The following PLXNC1 variants were observed in gnomAD, a reference collection of about 807,000 sequenced individuals.
PLXNC1 encodes the protein plexin-C1.
Under a neutral mutation model 178.2 loss-of-function variants are expected in PLXNC1, and 75 were observed. The ratio of observed to expected loss-of-function variants is 0.42; its 90% CI spans 0.35 to 0.51. The LOEUF is 0.51. PLXNC1 is among the 20% of genes least tolerant of loss of function. The pLI is 0.02. For synonymous variants in PLXNC1, 790 were observed against 779.9 expected (o/e 1.01, Z -0.22); for missense variants, 1,503 against 1,984.4 (o/e 0.76, Z 4.61).
At chr12:94,179,352 C>T (rs1310998277) in intron 2 of PLXNC1, among the ~76,000 whole-genome samples, 1 of 152,190 alleles carries the variant, frequency 6.6e-6, no homozygotes, top group African/African-American at 2.4e-5. Flanking sequence ...TGTGTTCAAA[C>T]TGACAAAATG....
At chr12:94,157,391 C>T (rs1241696623) in intron 1 of PLXNC1, among the ~76,000 whole-genome samples, 2 of 152,346 alleles carry the variant, frequency 1.3e-5, no homozygotes, top group South Asian at 2.1e-4. Flanking sequence ...ATGATGAAGA[C>T]TGGGAAACCC....
At chr12:94,274,915 C>T (rs1965823472) in intron 21 of PLXNC1, among the ~76,000 whole-genome samples, 1 of 152,200 alleles carries the variant, frequency 6.6e-6, no homozygotes, top group African/African-American at 2.4e-5. Flanking sequence ...ACACACACGT[C>T]ATTTAAAACA....
At chr12:94,203,748 C>A (rs904660778) in intron 4 of PLXNC1, among the ~76,000 whole-genome samples, 1 of 152,154 alleles carries the variant, frequency 6.6e-6, no homozygotes, top group African/African-American at 2.4e-5. Flanking sequence ...TCCCAGAAGT[C>A]CCCAGAAACA....
chr12:94,270,763 C>CTT (rs71984307), intron 21 of PLXNC1, among the ~76,000 whole-genome samples: 21 of 147,664 alleles, frequency 1.4e-4, no homozygotes, highest in African/African-American at 3.7e-4. Flanking sequence ...ATCTCCATTA[C>CTT]TTTTTTTTTT....
intron 20 of PLXNC1, chr12:94,262,680 G>C (rs1209568248): frequency 7.1e-6 from 7 of 985,342 alleles, no homozygotes; most frequent in Non-Finnish European, 3.6e-6. Context: ...AGGTGCTCAA[G>C]GGGGTCTGGG....
At chr12:94,301,209 ATCTG>A in intron 28 of PLXNC1, 152 bp downstream of exon 28, 1 of 548,598 alleles carries the variant, frequency 1.8e-6, no homozygotes. Context: ...GTTATTTAAA[ATCTG>A]TCTCATTATT....
At chr12:94,185,902 T>C (rs1962491621) in intron 3 of PLXNC1, 1 of 166,482 alleles carries the variant, frequency 6.0e-6, no homozygotes, top group Non-Finnish European at 1.3e-5. Context: ...ATGGAAATCA[T>C]CATTAGCAGA....
At chr12:94,265,316 T>TC in intron 21 of PLXNC1, 91 bp downstream of exon 21, 1 of 1,169,698 alleles carries the variant, frequency 8.5e-7, no homozygotes, top group Non-Finnish European at 1.2e-6. Context: ...TGAAACGGTA[T>TC]CATCTCTACT....
chr12:94,181,214 G>A (rs73364615), intron 2 of PLXNC1, among the ~76,000 whole-genome samples: 1,527 of 151,698 alleles, frequency 0.01, 22 homozygotes, highest in African/African-American at 0.035. Flanking sequence ...CCTGGCCAAC[G>A]TAGTGAAACC....
intron 1 of PLXNC1, among the ~76,000 whole-genome samples, chr12:94,166,639 A>G (rs529122005): frequency 2.0e-5 from 3 of 152,080 alleles, no homozygotes; most frequent in African/African-American, 7.2e-5. Flanking sequence ...CTAGAAAGCT[A>G]ACCCCTAACA....
intron 1 of PLXNC1, among the ~76,000 whole-genome samples, chr12:94,164,338 G>A (rs1265895183): frequency 6.6e-6 from 1 of 152,166 alleles, no homozygotes; most frequent in Non-Finnish European, 1.5e-5. Flanking sequence ...TAGCACCTTG[G>A]GGGTAAAACA....
intron 9 of PLXNC1, among the ~76,000 whole-genome samples, chr12:94,232,085 A>C (rs1003387240): frequency 6.6e-6 from 1 of 151,998 alleles, no homozygotes; most frequent in Non-Finnish European, 1.5e-5. Flanking sequence ...CTCTTCCTCC[A>C]TCACTTCTTC....
At chr12:94,175,525 G>A (rs544499908) in intron 2 of PLXNC1, among the ~76,000 whole-genome samples, 5 of 152,268 alleles carry the variant, frequency 3.3e-5, no homozygotes, top group African/African-American at 1.2e-4. Flanking sequence ...CAGCAGTGTA[G>A]TTGGGAGTTT....
intron 23 of PLXNC1, among the ~76,000 whole-genome samples, chr12:94,290,430 G>A (rs751328943): frequency 2.6e-5 from 4 of 152,270 alleles, no homozygotes; most frequent in Non-Finnish European, 5.9e-5. Context: ...TAGGAGCAGA[G>A]TCGAAGAGCT....
At chr12:94,230,941 A>C in intron 9 of PLXNC1, among the ~76,000 whole-genome samples, 1 of 152,228 alleles carries the variant, frequency 6.6e-6, no homozygotes, top group Admixed American at 6.5e-5. Flanking sequence ...ACCGACCTCC[A>C]CAGATTCCAT....
intron 9 of PLXNC1, among the ~76,000 whole-genome samples, chr12:94,230,665 G>A (rs901502476): frequency 1.3e-5 from 2 of 152,188 alleles, no homozygotes; most frequent in Admixed American, 6.5e-5. Flanking sequence ...TTCATTATCA[G>A]GTGGAATGTG....
chr12:94,237,799 G>T lies in PLXNC1; in HGVS notation c.2116G>T (p.Asp706Tyr). The change falls in exon 10 of 31, where the codon GAT (aspartate) becomes TAT (tyrosine). Residue 706 changes from aspartate to tyrosine, a missense_variant. This residue lies in a region of PLXNC1 where 615 missense variants were observed against 698.6 expected (regional missense o/e 0.88). Coordinates refer to ENST00000258526, the MANE Select transcript of PLXNC1 (RefSeq NM_005761.3). ...ILKGTSTCDK[D>Y]VIQVSHVLND... ...GAAAGGAACCAGTACCTGTGATAAG[G>T]ATGTGTGAGTCGAAATACTAATAAT... 2 of 1,613,368 alleles carry T rather than the reference G, an allele frequency of 1.2e-6. No individual in the cohort carries two copies. Among genetic ancestry groups the T allele is most frequent in the Non-Finnish European group, 1.7e-6 (2 of 1,179,834 alleles).
intron 21 of PLXNC1, 110 bp downstream of exon 21, chr12:94,265,335 C>A: frequency 3.2e-6 from 3 of 945,016 alleles, no homozygotes; most frequent in African/African-American, 1.6e-5. Flanking sequence ...CTGCGGGAGG[C>A]CCTGTGTGTT....
chr12:94,186,799 C>A, intron 4 of PLXNC1: 1 of 248,882 alleles, frequency 4.0e-6, no homozygotes, highest in South Asian at 6.2e-5. Context: ...GCAAAAGGGC[C>A]CCCCCTCCGA....
Sources: allele counts gnomAD v4.1 joint callset (sites outside exome capture counted in the v4.1 genomes callset), GRCh38; gene constraint gnomAD v4.1.1; regional missense constraint gnomAD v4.1.1; transcripts MANE v1.5; gene names NCBI Gene and HGNC (gene_info 2026-07-23, HGNC 2026-07-21).